MTRF1: variants seen among roughly 807,000 people sequenced by gnomAD.
The protein encoded by MTRF1 is peptide chain release factor 1, mitochondrial.
Under a neutral mutation model 62.9 loss-of-function variants are expected in MTRF1, and 51 were observed. The observed-to-expected ratio is 0.81, with a 90% CI of 0.65 to 1.02. The LOEUF (loss-of-function observed/expected upper bound fraction) is 1.02. Among genes scored for constraint, MTRF1 ranks in the 50% least tolerant of loss-of-function variants. The pLI, the probability that MTRF1 is intolerant of heterozygous loss-of-function variation, is 0.00. For missense variants in MTRF1, 446 were observed against 530.0 expected, an observed-to-expected ratio of 0.84 and a Z score of 1.56; for synonymous variants, 158 against 181.9, an observed-to-expected ratio of 0.87 and a Z score of 1.06.
chr13:41,223,566 G>C (rs1015246642), intron 8 of MTRF1, among the ~76,000 whole-genome samples: 1 of 152,146 alleles, frequency 6.6e-6, no homozygotes, highest in Admixed American at 6.6e-5. Context: ...ATGTTTCTTT[G>C]ATATTTCAAA....
chr13:41,243,367 T>A (rs999322145), intron 5 of MTRF1, among the ~76,000 whole-genome samples: 1 of 142,370 alleles, frequency 7.0e-6, no homozygotes, highest in Admixed American at 7.4e-5. Context: ...ATGGTGCCAT[T>A]GCCCTCCAGC....
chr13:41,242,026 C>G (rs767974713), intron 5 of MTRF1, among the ~76,000 whole-genome samples: 4 of 152,226 alleles, frequency 2.6e-5, no homozygotes, highest in Admixed American at 1.3e-4. Flanking sequence ...AGAGACACTT[C>G]CCCTTGTCTA....
chr13:41,266,712 T>G (rs1401615472), upstream of MTRF1, among the ~76,000 whole-genome samples: 3 of 150,064 alleles, frequency 2.0e-5, no homozygotes, highest in Admixed American at 6.6e-5. Context: ...TTCCCTGTGA[T>G]GCCGGGCGCA....
intron 1 of MTRF1, chr13:41,262,542 A>G (rs1306406212): frequency 1.3e-5 from 2 of 152,204 alleles, no homozygotes; most frequent in African/African-American, 2.4e-5. Context: ...GCTGTGTACA[A>G]TAATTTTCTG....
At chr13:41,283,751 G>A in the MTRF1 span, among the ~76,000 whole-genome samples, 3 of 151,160 alleles carry the variant, frequency 2.0e-5, no homozygotes, top group Admixed American at 2.0e-4. Context: ...CACTACGCCC[G>A]GCTAACTTTT....
chr13:41,281,650 C>T, the MTRF1 span, among the ~76,000 whole-genome samples: 1 of 152,120 alleles, frequency 6.6e-6, no homozygotes, highest in Non-Finnish European at 1.5e-5. Flanking sequence ...TAGATTTAGC[C>T]CATCTCTGCA....
chr13:41,289,333 G>A, the MTRF1 span, among the ~76,000 whole-genome samples: 1,187 of 151,740 alleles, frequency 7.8e-3, 17 homozygotes, highest in African/African-American at 0.027. Flanking sequence ...TGCCTCCTGG[G>A]TTCAAGTGAT....
At chr13:41,273,307 CAG>C in the MTRF1 span, among the ~76,000 whole-genome samples, 10 of 142,604 alleles carry the variant, frequency 7.0e-5, no homozygotes, top group East Asian at 6.3e-4. Flanking sequence ...GCCTGGGCTA[CAG>C]AGCGAGACTC....
At chr13:41,269,185 G>GTTTTTTTTTTTTTTTTTTTTTTTTTTTTT in the MTRF1 span, among the ~76,000 whole-genome samples, 2 of 96,462 alleles carry the variant, frequency 2.1e-5, no homozygotes, top group Non-Finnish European at 3.8e-5. Flanking sequence ...CTTTTACCTT[G>GTTTTTTTTTTTTTTTTTTTTTTTTTTTTT]TTTTTTTTTT....
At chr13:41,222,229 C>G (rs563802271) in intron 9 of MTRF1, among the ~76,000 whole-genome samples, 1 of 152,216 alleles carries the variant, frequency 6.6e-6, no homozygotes, top group South Asian at 2.1e-4. Flanking sequence ...CTTTCTCCTT[C>G]AGTGGCAACA....
chr13:41,296,999 T>A, the MTRF1 span, among the ~76,000 whole-genome samples: 1 of 152,146 alleles, frequency 6.6e-6, no homozygotes, highest in African/African-American at 2.4e-5. Flanking sequence ...TTGCTTTTCA[T>A]GGAAAAGACT....
the MTRF1 span, among the ~76,000 whole-genome samples, chr13:41,293,579 T>C: frequency 6.6e-6 from 1 of 152,210 alleles, no homozygotes; most frequent in Non-Finnish European, 1.5e-5. Flanking sequence ...TTCTGGCTTA[T>C]CAGCAAAATA....
intron 2 of MTRF1, chr13:41,257,820 G>A (rs1036850213): frequency 9.0e-6 from 4 of 443,554 alleles, no homozygotes; most frequent in East Asian, 1.4e-4. Flanking sequence ...AAAAGGGGGA[G>A]GGGGAATAAT....
At chr13:41,236,558 T>C (rs568190105) in intron 6 of MTRF1, 3 of 152,228 alleles carry the variant, frequency 2.0e-5, no homozygotes, top group African/African-American at 2.4e-5. Context: ...TAATACACTG[T>C]TTAGCTGATT....
the MTRF1 span, chr13:41,311,405 T>G: frequency 1.1e-6 from 1 of 906,978 alleles, no homozygotes; most frequent in Non-Finnish European, 1.7e-6. Context: ...TGTAGACCAA[T>G]GAACTAATCC....
At chr13:41,240,570 C>T (rs2037353269) in intron 5 of MTRF1, 137 bp from the exon 6 acceptor site, 1 of 632,130 alleles carries the variant, frequency 1.6e-6, no homozygotes, top group Admixed American at 4.2e-5. Context: ...GAACGAGGGC[C>T]TCTGAAGAAG....
At chr13:41,230,930 G>A (rs1224893077) in intron 7 of MTRF1, among the ~76,000 whole-genome samples, 1 of 151,652 alleles carries the variant, frequency 6.6e-6, no homozygotes, top group Non-Finnish European at 1.5e-5. Context: ...TCACCATTTT[G>A]GCCAGGCTAG....
the MTRF1 span, among the ~76,000 whole-genome samples, chr13:41,307,515 T>C: frequency 6.6e-6 from 1 of 151,882 alleles, no homozygotes; most frequent in African/African-American, 2.4e-5. Flanking sequence ...TCCCAGCTAC[T>C]CAGGAGGCTG....
intron 1 of MTRF1, chr13:41,261,648 TCTTTAA>T (rs1474243906): frequency 3.2e-5 from 7 of 219,786 alleles, no homozygotes; most frequent in Non-Finnish European, 5.4e-5. Context: ...CTTGTATAAT[TCTTTAA>T]CTTTAAGGAT....
Sources: allele counts gnomAD v4.1 joint callset (sites outside exome capture counted in the v4.1 genomes callset), GRCh38; gene constraint gnomAD v4.1.1; transcripts MANE v1.5; gene names NCBI Gene and HGNC (gene_info 2026-07-23, HGNC 2026-07-21).